Variants in CDH13 observed in about 807,000 individuals in gnomAD.
CDH13 encodes the protein cadherin-13.
CDH13 carries 24 observed loss-of-function variants against 63.8 expected under a neutral mutation model. The observed-to-expected ratio is 0.38, with a 90% CI of 0.27 to 0.53. The LOEUF (loss-of-function observed/expected upper bound fraction) is 0.53, where lower values mean the gene tolerates loss of function less well. Ranked by LOEUF, CDH13 falls within the 20% of genes least tolerant of loss-of-function variation. The pLI is 0.85. For missense variants in CDH13, 1,049 were observed against 903.1 expected (o/e 1.16, Z -2.07); for synonymous variants, 503 against 355.3 (o/e 1.42, Z -4.67).
intron 4 of CDH13, among the ~76,000 whole-genome samples, chr16:83,164,768 A>G (rs939548508): frequency 1.3e-5 from 2 of 151,910 alleles, no homozygotes; most frequent in South Asian, 2.1e-4. Flanking sequence ...ATTTACAATA[A>G]CAGCTTCTGC....
chr16:82,708,497 C>T (rs2031665587), intron 1 of CDH13, among the ~76,000 whole-genome samples: 1 of 152,224 alleles, frequency 6.6e-6, no homozygotes, highest in Non-Finnish European at 1.5e-5. Flanking sequence ...GAAGACTCCA[C>T]TGTCTCTGTC....
chr16:82,809,052 G>GAATGCATATACATATGTATT (rs2037305560), intron 1 of CDH13, among the ~76,000 whole-genome samples: 4 of 151,952 alleles, frequency 2.6e-5, no homozygotes, highest in African/African-American at 9.7e-5. Context: ...ACATATGTAT[G>GAATGCATATACATATGTATT]AATACATATG....
At chr16:82,666,280 C>G (rs537399496) in intron 1 of CDH13, among the ~76,000 whole-genome samples, 1 of 152,164 alleles carries the variant, frequency 6.6e-6, no homozygotes, top group Non-Finnish European at 1.5e-5. Flanking sequence ...TTTGTTGTAC[C>G]AATTATGCCA....
At chr16:83,765,099 C>G (rs537393119) in intron 11 of CDH13, among the ~76,000 whole-genome samples, 1 of 152,350 alleles carries the variant, frequency 6.6e-6, no homozygotes, top group South Asian at 2.1e-4. Context: ...ATTATCACCT[C>G]TCTTCCTGTG....
chr16:83,789,035 A>C (rs938694433), intron 13 of CDH13, among the ~76,000 whole-genome samples: 1 of 152,262 alleles, frequency 6.6e-6, no homozygotes, highest in African/African-American at 2.4e-5. Context: ...TAAATGTTAG[A>C]GATGCCTGCC....
chr16:82,922,064 G>C (rs943380381), intron 2 of CDH13, among the ~76,000 whole-genome samples: 1 of 152,042 alleles, frequency 6.6e-6, no homozygotes, highest in Admixed American at 6.6e-5. Flanking sequence ...ATTATTCATA[G>C]CATTTCCTTA....
At chr16:83,752,242 G>A (rs923963788) in intron 11 of CDH13, among the ~76,000 whole-genome samples, 1 of 152,144 alleles carries the variant, frequency 6.6e-6, no homozygotes, top group Non-Finnish European at 1.5e-5. Context: ...AATTTTTTGT[G>A]CAATTATAAA....
At chr16:82,786,199 T>A (rs1438362938) in intron 1 of CDH13, among the ~76,000 whole-genome samples, 1 of 152,156 alleles carries the variant, frequency 6.6e-6, no homozygotes, top group Non-Finnish European at 1.5e-5. Context: ...AGTTTAGAAG[T>A]AGAAGGCAAA....
In CDH13 at chr16:83,364,148, G is replaced by C. The variant is rs527516277; in HGVS notation, c.781+19142G>C. 5.3e-4 allele frequency among the ~76,000 whole-genome samples: 81 copies of C among 152,198 alleles called. 1 individual carries two copies. The highest frequency in any genetic ancestry group is 1.9e-3 in the African/African-American group (77 of 41,526). On this transcript the variant is annotated intron_variant, in intron 6 of 13. Transcript: ENST00000567109. ...GTCATTTATTTCACTGCTTCTCATG[G>C]GGACCAAGCATCCATCTAGGTTCTT...
At chr16:83,333,892 A>T (rs551161986) in intron 5 of CDH13, among the ~76,000 whole-genome samples, 1 of 152,184 alleles carries the variant, frequency 6.6e-6, no homozygotes, top group African/African-American at 2.4e-5. Context: ...TTAATGTCCT[A>T]TGGCTGCTGT....
chr16:83,311,496 A>C (rs768740976), intron 5 of CDH13, among the ~76,000 whole-genome samples: 10 of 152,192 alleles, frequency 6.6e-5, no homozygotes, highest in Non-Finnish European at 1.5e-4. Flanking sequence ...ATATGTACTG[A>C]ATCTGCATGT....
intron 3 of CDH13, among the ~76,000 whole-genome samples, chr16:83,064,591 T>A (rs1348473725): frequency 1.3e-5 from 2 of 152,180 alleles, no homozygotes; most frequent in Non-Finnish European, 2.9e-5. Flanking sequence ...TAAAAAGCAA[T>A]GAGATATTTT....
chr16:83,699,854 C>G (rs192019790), intron 10 of CDH13, among the ~76,000 whole-genome samples: 1 of 152,202 alleles, frequency 6.6e-6, no homozygotes, highest in Non-Finnish European at 1.5e-5. Flanking sequence ...CCAGCATGTA[C>G]CCAGCCTCAG....
intron 2 of CDH13, among the ~76,000 whole-genome samples, chr16:82,986,439 C>A (rs1382726563): frequency 6.6e-6 from 1 of 152,216 alleles, no homozygotes; most frequent in Admixed American, 6.5e-5. Flanking sequence ...TCTAGCTTGC[C>A]ATTTCTCTCA....
intron 5 of CDH13, among the ~76,000 whole-genome samples, chr16:83,296,948 G>T (rs1209159296): frequency 6.6e-6 from 1 of 152,202 alleles, no homozygotes; most frequent in Non-Finnish European, 1.5e-5. Flanking sequence ...AGAATGCAGA[G>T]CCATTGGGGA....
At chr16:83,581,294 C>T (rs1300253948) in intron 7 of CDH13, among the ~76,000 whole-genome samples, 1 of 152,206 alleles carries the variant, frequency 6.6e-6, no homozygotes, top group Non-Finnish European at 1.5e-5. Flanking sequence ...AACAGCTACT[C>T]TTCCTTAAAC....
chr16:83,285,491 G>A (rs2089286568), intron 5 of CDH13, among the ~76,000 whole-genome samples: 1 of 151,772 alleles, frequency 6.6e-6, no homozygotes, highest in Non-Finnish European at 1.5e-5. Context: ...GTTCCAACCA[G>A]TGATGGAAAA....
At chr16:83,645,247 A>T (rs1188675063) in intron 8 of CDH13, among the ~76,000 whole-genome samples, 1 of 152,234 alleles carries the variant, frequency 6.6e-6, no homozygotes, top group African/African-American at 2.4e-5. Flanking sequence ...CCTTTGCAGC[A>T]ACATGGGTGG....
chr16:82,868,583 T>C (rs1485389091), intron 2 of CDH13, among the ~76,000 whole-genome samples: 3 of 152,210 alleles, frequency 2.0e-5, no homozygotes, highest in Admixed American at 2.0e-4. Flanking sequence ...GAAGGACTTC[T>C]CAGACGAGGA....
Sources: gnomAD v4.1 joint callset for allele counts (sites outside exome capture counted in the v4.1 genomes callset) on GRCh38, gnomAD v4.1.1 for gene constraint, MANE v1.5 for transcripts, NCBI Gene and HGNC (gene_info 2026-07-23, HGNC 2026-07-21) for gene names.